Variants in LRCH1 observed in about 807,000 individuals in gnomAD.
The protein encoded by LRCH1 is leucine-rich repeat and calponin homology domain-containing protein 1.
LRCH1 carries 23 observed loss-of-function variants against 94.9 expected under a neutral mutation model. That is an observed-to-expected ratio of 0.24 (90% confidence interval 0.17 to 0.34). The LOEUF (loss-of-function observed/expected upper bound fraction) is 0.34, where lower values mean the gene tolerates loss of function less well. LRCH1 is among the 10% of genes least tolerant of loss of function. The probability of loss-of-function intolerance (pLI) is 1.00; values close to 1 mark genes in which losing one functional copy is unlikely to be tolerated. For synonymous variants in LRCH1, 364 were observed against 354.9 expected (o/e 1.03, Z -0.29); for missense variants, 790 against 945.9 (o/e 0.84, Z 2.16).
intron 18 of LRCH1, among the ~76,000 whole-genome samples, chr13:46,733,084 A>G (rs538483828): frequency 4.6e-5 from 7 of 152,332 alleles, no homozygotes; most frequent in African/African-American, 1.2e-4. Flanking sequence ...CATGAGCAGG[A>G]TAAGGCCAGT....
chr13:46,609,078 G>A (rs576279674), intron 1 of LRCH1, among the ~76,000 whole-genome samples: 57 of 152,122 alleles, frequency 3.7e-4, no homozygotes, highest in Admixed American at 9.2e-4. Context: ...ACAAAGGCTC[G>A]CTGACTTCAA....
Position 46,726,200 on chromosome 13 carries a change from C to T in LRCH1, c.1870-2647C>T, listed in dbSNP as rs76553479. 2.7e-3 allele frequency among the ~76,000 whole-genome samples: 408 copies of T among 152,260 alleles called. 4 individuals are homozygous for T. The highest frequency in any genetic ancestry group is 0.02 in the South Asian group (98 of 4,828). The stretch of plus-strand genomic sequence containing the variant: ...CTTCCAAGAGGATGGAGTAGGCATA[C>T]TTTGCCCTATTCTTCCCACTAAGTA... On this transcript the variant is annotated intron_variant, in intron 17 of 19. Coordinates refer to ENST00000389797, the MANE Select transcript of LRCH1 (RefSeq NM_001164211.2).
Position 46,742,565 on chromosome 13 carries a change from C to T in LRCH1, c.*717C>T. The T allele has an allele frequency of 2.0e-6, 2 of 985,462 alleles. No homozygotes were observed. Among genetic ancestry groups the T allele is most frequent in the Non-Finnish European group, 2.4e-6 (2 of 829,958 alleles). The allele number at this position is 985,462 out of a possible 1,614,324, so 61.0% of individuals were successfully genotyped here. ...GGAAGTGTCGTTGCTGTTAGAGCCTCACGTGGAGGAGTCACTTAAACACCA... is the reference window on the plus strand; with the variant it reads ...GGAAGTGTCGTTGCTGTTAGAGCCTTACGTGGAGGAGTCACTTAAACACCA... On this transcript the variant is annotated 3_prime_UTR_variant, in exon 20 of 20. Transcript: ENST00000389797.
intron 1 of LRCH1, among the ~76,000 whole-genome samples, chr13:46,589,510 A>G (rs550013771): frequency 6.6e-6 from 1 of 151,400 alleles, no homozygotes; most frequent in South Asian, 2.1e-4. Flanking sequence ...CTAAATTCAG[A>G]TACACAGTGC....
At chr13:46,665,908 G>A (rs1175375694) in intron 2 of LRCH1, among the ~76,000 whole-genome samples, 1 of 152,196 alleles carries the variant, frequency 6.6e-6, no homozygotes, top group Non-Finnish European at 1.5e-5. Context: ...GTGGGTAGAG[G>A]ATTAAAGGGA....
At chr13:46,709,045 C>G (rs1871923708) in intron 13 of LRCH1, among the ~76,000 whole-genome samples, 1 of 152,166 alleles carries the variant, frequency 6.6e-6, no homozygotes, top group South Asian at 2.1e-4. Context: ...ATTTGATGTA[C>G]AGATCTCTGG....
chr13:46,626,193 C>G (rs2050947164), intron 1 of LRCH1, among the ~76,000 whole-genome samples: 1 of 152,134 alleles, frequency 6.6e-6, no homozygotes, highest in African/African-American at 2.4e-5. Context: ...AGTTTTAGCA[C>G]TTTTCAGTGT....
chr13:46,569,725 G>A (rs1053694617), intron 1 of LRCH1, among the ~76,000 whole-genome samples: 3 of 152,138 alleles, frequency 2.0e-5, no homozygotes, highest in Admixed American at 6.5e-5. Context: ...TCAAGGGCCT[G>A]TGTGGCTCCA....
chr13:46,704,796 A>G (rs1469548931), intron 11 of LRCH1, among the ~76,000 whole-genome samples: 8 of 152,100 alleles, frequency 5.3e-5, no homozygotes, highest in Non-Finnish European at 7.4e-5. Context: ...ATGCTATACT[A>G]CCTATGAAAA....
chr13:46,556,021 A>G (rs2050061309), intron 1 of LRCH1, among the ~76,000 whole-genome samples: 1 of 152,218 alleles, frequency 6.6e-6, no homozygotes, highest in Non-Finnish European at 1.5e-5. Context: ...GAGTAGTAAC[A>G]TTTATAATAA....
chr13:46,688,004 C>T (rs758154847), intron 6 of LRCH1, 25 bp downstream of exon 6: 3 of 1,587,632 alleles, frequency 1.9e-6, no homozygotes, highest in African/African-American at 1.3e-5. Flanking sequence ...CATTCAAAGC[C>T]CCAGTTTAAA....
intron 7 of LRCH1, among the ~76,000 whole-genome samples, chr13:46,691,975 A>C (rs922561412): frequency 6.6e-6 from 1 of 152,176 alleles, no homozygotes; most frequent in Non-Finnish European, 1.5e-5. Context: ...GGTGTGAGCC[A>C]CCACGCCTGG....
chr13:46,577,458 C>A (rs769329968), intron 1 of LRCH1, among the ~76,000 whole-genome samples: 3 of 152,162 alleles, frequency 2.0e-5, no homozygotes, highest in Non-Finnish European at 2.9e-5. Context: ...AGTTGATTAA[C>A]CTTAATTATA....
intron 1 of LRCH1, among the ~76,000 whole-genome samples, chr13:46,589,272 C>G (rs1269113331): frequency 6.6e-6 from 1 of 152,104 alleles, no homozygotes; most frequent in Admixed American, 6.5e-5. Flanking sequence ...TCAAGTGATC[C>G]TCCTGCCTCA....
chr13:46,744,218 T>TA lies in LRCH1; in HGVS notation c.*2371dup. On this transcript the variant is annotated 3_prime_UTR_variant, in exon 20 of 20. Transcript: ENST00000389797. ...ACTGGGGATACCTGGCTGACCTCCT[T>TA]AGAGTCTGAGAAGTAGTCAGGGATG... is the stretch of plus-strand genomic sequence containing the variant. 1 of 985,436 alleles carries TA rather than the reference T, an allele frequency of 1.0e-6. No homozygotes were observed. The highest frequency in any genetic ancestry group is 1.2e-6 in the Non-Finnish European group (1 of 829,934). 61.0% of individuals were successfully genotyped at this position (985,436 alleles called of 1,614,324 possible).
chr13:46,669,870 A>AT (rs1284335840), intron 3 of LRCH1, among the ~76,000 whole-genome samples: 1 of 152,252 alleles, frequency 6.6e-6, no homozygotes, highest in East Asian at 1.9e-4. Flanking sequence ...TCATCTAAGC[A>AT]TTGGCTTATT....
chr13:46,696,195 T>TACACACACAC (rs10553999), intron 9 of LRCH1, among the ~76,000 whole-genome samples: 2 of 147,094 alleles, frequency 1.4e-5, no homozygotes, highest in Admixed American at 6.8e-5. Flanking sequence ...TGCATGTGTG[T>TACACACACAC]ACACACACAC....
intron 1 of LRCH1, among the ~76,000 whole-genome samples, chr13:46,588,316 A>C (rs960187340): frequency 6.6e-6 from 1 of 152,210 alleles, no homozygotes; most frequent in Admixed American, 6.5e-5. Flanking sequence ...TTCAGAGATA[A>C]ATAAGTAACC....
chr13:46,613,054 T>A (rs1259808391), intron 1 of LRCH1, among the ~76,000 whole-genome samples: 1 of 152,230 alleles, frequency 6.6e-6, no homozygotes, highest in Non-Finnish European at 1.5e-5. Flanking sequence ...TTATTTCAGA[T>A]CACCGTAACA....
Sources: allele counts gnomAD v4.1 joint callset (sites outside exome capture counted in the v4.1 genomes callset), GRCh38; gene constraint gnomAD v4.1.1; transcripts MANE v1.5; gene names NCBI Gene and HGNC (gene_info 2026-07-23, HGNC 2026-07-21).